Variants in BNC2 observed in about 807,000 individuals in gnomAD.
BNC2 encodes the protein zinc finger protein basonuclin-2.
In BNC2, 20 loss-of-function variants were observed where a neutral mutation model predicts 76.3. The ratio of observed to expected loss-of-function variants is 0.26; its 90% CI spans 0.18 to 0.38. The LOEUF (loss-of-function observed/expected upper bound fraction) is 0.38. Among genes scored for constraint, BNC2 ranks in the 10% least tolerant of loss-of-function variants. BNC2 has a pLI of 1.00. For missense variants in BNC2, 1,382 were observed against 1,399.8 expected, an observed-to-expected ratio of 0.99 and a Z score of 0.20; for synonymous variants, 582 against 514.8, an observed-to-expected ratio of 1.13 and a Z score of -1.77.
chr9:16,509,157 T>C (rs995216869), intron 5 of BNC2, among the ~76,000 whole-genome samples: 1 of 152,120 alleles, frequency 6.6e-6, no homozygotes, highest in Non-Finnish European at 1.5e-5. Context: ...TCACCCCAAA[T>C]GTCCACTTCA....
At chr9:16,814,969 C>T (rs546524773) in intron 1 of BNC2, among the ~76,000 whole-genome samples, 1 of 152,168 alleles carries the variant, frequency 6.6e-6, no homozygotes, top group Admixed American at 6.5e-5. Context: ...AACTTGCCAC[C>T]CCCAAACCCT....
intron 1 of BNC2, among the ~76,000 whole-genome samples, chr9:16,790,563 T>C (rs1049950176): frequency 4.6e-5 from 7 of 152,220 alleles, no homozygotes; most frequent in East Asian, 1.9e-4. Flanking sequence ...CCTTGGTAGA[T>C]AGGTATACTT....
intron 1 of BNC2, among the ~76,000 whole-genome samples, chr9:16,760,014 C>T (rs893802897): frequency 1.3e-5 from 2 of 152,072 alleles, no homozygotes; most frequent in African/African-American, 4.8e-5. Context: ...TGAGCCACCG[C>T]GCGGGGCCAG....
rs184222178 is a variant in BNC2, at chr9:16,728,322, T to C, written c.130-325A>G. Reference sequence around the variant, plus strand: ...CTAAGAGTCAACTGCACTGTTCCACTGTCAGGCACCAAATGACACCCTGCA... The same window carrying C: ...CTAAGAGTCAACTGCACTGTTCCACCGTCAGGCACCAAATGACACCCTGCA... On this transcript the variant is annotated intron_variant, in intron 2 of 6. Transcript: ENST00000380672. The C allele has an allele frequency of 1.3e-3, 547 of 419,294 alleles. 2 individuals are homozygous for C. Among genetic ancestry groups the C allele is most frequent in the African/African-American group, 0.011 (530 of 49,288 alleles). 26.0% of individuals were successfully genotyped at this position (419,294 alleles called of 1,614,324 possible). A position where few individuals can be genotyped will look rare whatever the true frequency, so the allele number is the denominator to read the frequency against.
chr9:16,523,717 T>C (rs1817695914), intron 5 of BNC2, among the ~76,000 whole-genome samples: 1 of 151,448 alleles, frequency 6.6e-6, no homozygotes, highest in African/African-American at 2.4e-5. Flanking sequence ...CTGAGGTCAA[T>C]AGTTCGAGAC....
chr9:16,668,390 T>G (rs1822364572), intron 3 of BNC2, among the ~76,000 whole-genome samples: 1 of 152,192 alleles, frequency 6.6e-6, no homozygotes, highest in Non-Finnish European at 1.5e-5. Flanking sequence ...ATTGTGACAC[T>G]CTGGGCCTCA....
intron 1 of BNC2, among the ~76,000 whole-genome samples, chr9:16,832,681 G>GT (rs1818603653): frequency 6.6e-6 from 1 of 152,070 alleles, no homozygotes; most frequent in Non-Finnish European, 1.5e-5. Context: ...GAACAAAGTG[G>GT]TAAGAGCTGA....
intron 5 of BNC2, among the ~76,000 whole-genome samples, chr9:16,522,032 C>G (rs1817636314): frequency 6.6e-6 from 1 of 152,126 alleles, no homozygotes; most frequent in Non-Finnish European, 1.5e-5. Flanking sequence ...TAGTAATGCC[C>G]AGCACATTCC....
At chr9:16,487,450 T>G (rs1218652748) in intron 5 of BNC2, among the ~76,000 whole-genome samples, 5 of 152,238 alleles carry the variant, frequency 3.3e-5, no homozygotes, top group African/African-American at 4.8e-5. Flanking sequence ...AACTTTGAGC[T>G]GCCTCATTTG....
At chr9:16,660,965 G>A (rs1388233795) in intron 3 of BNC2, among the ~76,000 whole-genome samples, 1 of 152,112 alleles carries the variant, frequency 6.6e-6, no homozygotes, top group African/African-American at 2.4e-5. Flanking sequence ...ATTTGAGGGA[G>A]GTCCTGGAAC....
intron 1 of BNC2, among the ~76,000 whole-genome samples, chr9:16,789,498 G>T (rs189660739): frequency 1.3e-5 from 2 of 152,170 alleles, no homozygotes; most frequent in South Asian, 2.1e-4. Context: ...TTTTTAAAAT[G>T]TCCTGTGCTT....
chr9:16,565,546 C>T (rs752339175), intron 4 of BNC2, among the ~76,000 whole-genome samples: 2 of 152,170 alleles, frequency 1.3e-5, no homozygotes, highest in African/African-American at 2.4e-5. Context: ...CACAGTGGCT[C>T]ATGCCTGTAA....
chr9:16,749,844 T>C (rs986001685), intron 1 of BNC2, among the ~76,000 whole-genome samples: 2 of 152,250 alleles, frequency 1.3e-5, no homozygotes, highest in African/African-American at 4.8e-5. Flanking sequence ...TTCAAATTTC[T>C]GAACACAGTA....
chr9:16,608,258 C>T (rs1820437643), intron 3 of BNC2, among the ~76,000 whole-genome samples: 1 of 152,142 alleles, frequency 6.6e-6, no homozygotes, highest in African/African-American at 2.4e-5. Context: ...CTACTTTTCA[C>T]ACAGCAATTT....
At chr9:16,804,123 C>T (rs895281245) in intron 1 of BNC2, among the ~76,000 whole-genome samples, 11 of 152,206 alleles carry the variant, frequency 7.2e-5, no homozygotes, top group African/African-American at 2.4e-4. Context: ...TGAAATGTCA[C>T]AGTAGTTTGC....
In BNC2 at chr9:16,685,644, C is replaced by T. The variant is rs1184420911; in HGVS notation, c.330+42153G>A. 3.1e-6 allele frequency: 4 copies of T among 1,298,742 alleles called. No individual in the cohort carries two copies. The African/African-American group carries it at 6.1e-5, about 20-fold the overall frequency. The allele number at this position is 1,298,742 out of a possible 1,614,324, so 80.5% of individuals were successfully genotyped here. ...CCAATGGAACCTGAGGGAATACAGCCACGTTAGATGCTGTGTATGGAGGCT... is the reference window on the plus strand; with the variant it reads ...CCAATGGAACCTGAGGGAATACAGCTACGTTAGATGCTGTGTATGGAGGCT... On this transcript the variant is annotated intron_variant, in intron 3 of 6. Transcript: ENST00000380672.
chr9:16,741,893 G>C (rs571035113), intron 1 of BNC2, among the ~76,000 whole-genome samples: 19 of 142,264 alleles, frequency 1.3e-4, no homozygotes, highest in African/African-American at 4.8e-4. Context: ...AGGAGGTGGA[G>C]GTTGCAGTGA....
At chr9:16,780,887 T>C (rs1826134307) in intron 1 of BNC2, among the ~76,000 whole-genome samples, 1 of 152,186 alleles carries the variant, frequency 6.6e-6, no homozygotes, top group Admixed American at 6.5e-5. Flanking sequence ...CCAGTTTTCT[T>C]TTAATTCTTA....
chr9:16,653,280 T>C (rs1435524225), intron 3 of BNC2, among the ~76,000 whole-genome samples: 3 of 152,022 alleles, frequency 2.0e-5, no homozygotes. Flanking sequence ...ACCAAAGCTT[T>C]TGAAATAGAG....
Sources: allele counts gnomAD v4.1 joint callset (sites outside exome capture counted in the v4.1 genomes callset), GRCh38; gene constraint gnomAD v4.1.1; transcripts MANE v1.5; gene names NCBI Gene and HGNC (gene_info 2026-07-23, HGNC 2026-07-21).